Variants in RAB3IP observed in about 807,000 individuals in gnomAD.
RAB3IP encodes rab-3A-interacting protein.
In RAB3IP, 36 loss-of-function variants were observed where a neutral mutation model predicts 59.1. The ratio of observed to expected loss-of-function variants is 0.61; its 90% CI spans 0.47 to 0.80. The LOEUF (loss-of-function observed/expected upper bound fraction) is 0.80, where lower values mean the gene tolerates loss of function less well. Ranked by LOEUF, RAB3IP falls within the 30% of genes least tolerant of loss-of-function variation. The pLI is 0.00. For synonymous variants in RAB3IP, 207 were observed against 191.2 expected (o/e 1.08, Z -0.68); for missense variants, 511 against 536.0 (o/e 0.95, Z 0.46).
At chr12:69,744,282 TTAAATATTAGCTCA>T (rs1887632034) in intron 1 of RAB3IP, among the ~76,000 whole-genome samples, 2 of 152,104 alleles carry the variant, frequency 1.3e-5, no homozygotes, top group African/African-American at 4.8e-5. Flanking sequence ...ATATTTGTAA[TTAAATATTAGCTCA>T]TTGTATTATT....
At chr12:69,787,508 G>T (rs1875878463) in intron 4 of RAB3IP, among the ~76,000 whole-genome samples, 1 of 152,154 alleles carries the variant, frequency 6.6e-6, no homozygotes, top group Non-Finnish European at 1.5e-5. Context: ...AATGAGCAAT[G>T]CAGGCACTCA....
Position 69,764,512 on chromosome 12 carries a change from T to G in RAB3IP, c.510+7849T>G, listed in dbSNP as rs1871884279. 2.0e-5 allele frequency among the ~76,000 whole-genome samples: 3 copies of G among 152,226 alleles called. No homozygotes were observed. The South Asian group carries it at 6.2e-4, about 32-fold the overall frequency. On this transcript the variant is annotated intron_variant, in intron 3 of 10. Coordinates refer to ENST00000247833, the MANE Select transcript of RAB3IP (RefSeq NM_022456.5). ...TGTTCCATTAGTCTATGTGTCTGTT[T>G]TTGTACCAGCACCATGCTGTTTTGA...
At chr12:69,758,409 GAATT>G (rs1870571095) in intron 3 of RAB3IP, among the ~76,000 whole-genome samples, 1 of 151,654 alleles carries the variant, frequency 6.6e-6, no homozygotes, top group African/African-American at 2.4e-5. Context: ...CCTTTCTTTT[GAATT>G]AATTCTGTAT....
rs557725012 is a variant in RAB3IP at position 69,809,849 on chromosome 12, C to G, written c.1131-2929C>G. ...CTTCTTTGCCATTGGTTCGAACTTC[C>G]TCCTTTAGCTCAGAGAGTTTGATCT... On this transcript the variant is annotated intron_variant, in intron 8 of 10. Transcript: ENST00000247833. Among the ~76,000 whole-genome samples the G allele has an allele frequency of 3.3e-5, 5 of 152,206 alleles. No individual in the cohort carries two copies. In the East Asian group the frequency reaches 9.6e-4, roughly 29 times the overall value.
In RAB3IP at chr12:69,782,951, A is replaced by C. The variant is rs545875241; in HGVS notation, c.511-1769A>C. Among the ~76,000 whole-genome samples the C allele has an allele frequency of 5.9e-4, 90 of 152,188 alleles. 3 individuals carry two copies. The South Asian group carries it at 0.018, about 31-fold the overall frequency. ...AGGACACTTTGGCTGGCTATAAAAT[A>C]CTCAGCTCACATTTTTTTCTTTGAG... is the stretch of plus-strand genomic sequence containing the variant. On this transcript the variant is annotated intron_variant, in intron 3 of 10. Coordinates refer to ENST00000247833, the MANE Select transcript of RAB3IP (RefSeq NM_022456.5).
At chr12:69,758,882 C>T (rs546085594) in intron 3 of RAB3IP, among the ~76,000 whole-genome samples, 25 of 145,606 alleles carry the variant, frequency 1.7e-4, no homozygotes, top group African/African-American at 5.8e-4. Flanking sequence ...CATAATTTTA[C>T]GTCTTTGTCT....
At chr12:69,772,848 G>A in intron 3 of RAB3IP, among the ~76,000 whole-genome samples, 1 of 152,070 alleles carries the variant, frequency 6.6e-6, no homozygotes, top group East Asian at 1.9e-4. Flanking sequence ...TACAATATTA[G>A]AGTATTCTGA....
chr12:69,794,575 C>A, intron 5 of RAB3IP, 61 bp downstream of exon 5: 1 of 1,285,978 alleles, frequency 7.8e-7, no homozygotes, highest in East Asian at 2.4e-5. Context: ...TTAAAGATAC[C>A]TTAACATCTG....
chr12:69,815,267 G>A (rs938608922), intron 10 of RAB3IP, 97 bp from the exon 11 acceptor site: 2 of 856,264 alleles, frequency 2.3e-6, no homozygotes, highest in Non-Finnish European at 3.8e-6. Flanking sequence ...TTTAGGAAAT[G>A]CACAATTGAC....
At chr12:69,771,270 C>G (rs925114200) in intron 3 of RAB3IP, among the ~76,000 whole-genome samples, 4 of 152,158 alleles carry the variant, frequency 2.6e-5, no homozygotes, top group Non-Finnish European at 5.9e-5. Context: ...GTGGCTTATG[C>G]CTGTAATCCC....
chr12:69,796,364 A>G, intron 6 of RAB3IP: 1 of 251,872 alleles, frequency 4.0e-6, no homozygotes, highest in Non-Finnish European at 7.5e-6. Flanking sequence ...CTGAAATAAT[A>G]TATAAATATT....
At chr12:69,809,355 G>C (rs1190330672) in intron 8 of RAB3IP, among the ~76,000 whole-genome samples, 9 of 152,066 alleles carry the variant, frequency 5.9e-5, no homozygotes, top group Non-Finnish European at 1.2e-4. Flanking sequence ...TTTCAACTTT[G>C]GTGAATCTGA....
At chr12:69,751,947 A>C (rs923288961) in intron 1 of RAB3IP, among the ~76,000 whole-genome samples, 2 of 147,018 alleles carry the variant, frequency 1.4e-5, no homozygotes, top group Non-Finnish European at 3.0e-5. Flanking sequence ...CATATTTTTC[A>C]CTCTGTCATC....
chr12:69,745,230 C>T (rs1868284414), intron 1 of RAB3IP, among the ~76,000 whole-genome samples: 2 of 152,150 alleles, frequency 1.3e-5, no homozygotes, highest in South Asian at 4.1e-4. Context: ...AAGATAAGAG[C>T]AGTTAACTGC....
chr12:69,801,076 C>T (rs1014149588), intron 7 of RAB3IP, among the ~76,000 whole-genome samples: 21 of 152,140 alleles, frequency 1.4e-4, no homozygotes, highest in African/African-American at 4.8e-4. Flanking sequence ...GTAACCTTGC[C>T]AGACTAAAGA....
At chr12:69,801,836 T>A in intron 8 of RAB3IP, 115 bp downstream of exon 8, 1 of 652,204 alleles carries the variant, frequency 1.5e-6, no homozygotes, top group Non-Finnish European at 2.7e-6. Context: ...AGATTTCTCT[T>A]AAGCGTCTGT....
At chr12:69,776,119 A>G (rs1873884450) in intron 3 of RAB3IP, among the ~76,000 whole-genome samples, 1 of 7,100 alleles carries the variant, frequency 1.4e-4, no homozygotes, top group African/African-American at 3.8e-4. Context: ...CAGAGATTCA[A>G]CTTCTTCCTG....
intron 6 of RAB3IP, among the ~76,000 whole-genome samples, chr12:69,798,610 C>A (rs1215769598): frequency 6.6e-6 from 1 of 152,022 alleles, no homozygotes; most frequent in African/African-American, 2.4e-5. Context: ...ATGCCTATGT[C>A]CTGAATGGTA....
intron 1 of RAB3IP, among the ~76,000 whole-genome samples, chr12:69,743,734 TC>T (rs1887569963): frequency 1.3e-5 from 2 of 152,204 alleles, no homozygotes; most frequent in Admixed American, 1.3e-4. Flanking sequence ...TTCTCAAACT[TC>T]AATTTCTCCA....
Sources: gnomAD v4.1 joint callset for allele counts (sites outside exome capture counted in the v4.1 genomes callset) on GRCh38, gnomAD v4.1.1 for gene constraint, MANE v1.5 for transcripts, NCBI Gene and HGNC (gene_info 2026-07-23, HGNC 2026-07-21) for gene names.